The following UNC5B variants were observed in gnomAD, a reference collection of about 807,000 sequenced individuals.
The protein encoded by UNC5B is netrin receptor UNC5B.
In UNC5B, 56 loss-of-function variants were observed where a neutral mutation model predicts 103.7. The ratio of observed to expected loss-of-function variants is 0.54; its 90% CI spans 0.44 to 0.67. UNC5B has a LOEUF of 0.67. UNC5B is among the 30% of genes least tolerant of loss of function. UNC5B has a pLI of 0.00. For synonymous variants in UNC5B, 577 were observed against 542.0 expected (o/e 1.06, Z -0.90); for missense variants, 1,194 against 1,284.5 (o/e 0.93, Z 1.08).
chr10:71,259,098 G>A lies in UNC5B; in HGVS notation c.80-20723G>A, dbSNP rs1844356227. Among the ~76,000 whole-genome samples, 3 of 152,212 alleles carry A rather than the reference G, an allele frequency of 2.0e-5. No individual in the cohort carries two copies. In the South Asian group the frequency reaches 6.2e-4, roughly 32 times the overall value. On this transcript the variant is annotated intron_variant, in intron 1 of 16. Coordinates refer to ENST00000335350, the MANE Select transcript of UNC5B (RefSeq NM_170744.5). ...TGAAGTATGGCCATTCATTAGAAAA[G>A]TAATGACTGGGCCGGGTGCAGTGGC...
intron 1 of UNC5B, among the ~76,000 whole-genome samples, chr10:71,275,310 C>T (rs1844743508): frequency 6.6e-6 from 1 of 152,290 alleles, no homozygotes; most frequent in South Asian, 2.1e-4. Flanking sequence ...CCAGATCCGG[C>T]CTGGCTGAGG....
chr10:71,230,880 T>A (rs1035647493), intron 1 of UNC5B, among the ~76,000 whole-genome samples: 1 of 152,234 alleles, frequency 6.6e-6, no homozygotes, highest in Non-Finnish European at 1.5e-5. Context: ...GTACCATGGC[T>A]GGAACACACA....
chr10:71,292,195 C>T (rs1845283074), intron 10 of UNC5B, among the ~76,000 whole-genome samples: 1 of 152,174 alleles, frequency 6.6e-6, no homozygotes. Flanking sequence ...AGCTTCCCAG[C>T]ATCATATACT....
intron 1 of UNC5B, among the ~76,000 whole-genome samples, chr10:71,250,115 C>A (rs150413704): frequency 2.9e-4 from 44 of 152,352 alleles, no homozygotes; most frequent in South Asian, 1.0e-3. Context: ...CCATGGCAAA[C>A]CCCGCTGGGC....
rs58397569 is a variant in UNC5B, at chr10:71,227,631, T to C, written c.79+14567T>C. Among the ~76,000 whole-genome samples the C allele has an allele frequency of 7.2e-5, 10 of 138,314 alleles. No individual in the cohort carries two copies. The South Asian group carries it at 1.3e-3, about 18-fold the overall frequency. 90.7% of individuals were successfully genotyped at this position (138,314 alleles called of 152,430 possible). On this transcript the variant is annotated intron_variant, in intron 1 of 16. Coordinates refer to ENST00000335350, the MANE Select transcript of UNC5B (RefSeq NM_170744.5). Reference sequence around the variant, plus strand: ...ATATACATATATATACATATATACATATATATACACATATACATATATATA... The same window carrying C: ...ATATACATATATATACATATATACACATATATACACATATACATATATATA...
intron 1 of UNC5B, among the ~76,000 whole-genome samples, chr10:71,275,097 C>T (rs1844737698): frequency 1.3e-5 from 2 of 152,218 alleles, no homozygotes; most frequent in African/African-American, 2.4e-5. Context: ...CTGCCTCCAG[C>T]GATCTTTCGT....
At chr10:71,254,976 C>T (rs1047354131) in intron 1 of UNC5B, among the ~76,000 whole-genome samples, 1 of 152,224 alleles carries the variant, frequency 6.6e-6, no homozygotes, top group African/African-American at 2.4e-5. Flanking sequence ...ACAACTACTA[C>T]TTGCATATTC....
intron 1 of UNC5B, among the ~76,000 whole-genome samples, chr10:71,218,876 A>AG (rs1554859022): frequency 6.6e-6 from 1 of 152,214 alleles, no homozygotes; most frequent in Non-Finnish European, 1.5e-5. Context: ...GGAGAACCCC[A>AG]TCTCAGGCTG....
intron 1 of UNC5B, among the ~76,000 whole-genome samples, chr10:71,272,202 C>T (rs74147806): frequency 2.6e-5 from 4 of 152,216 alleles, no homozygotes; most frequent in South Asian, 4.1e-4. Flanking sequence ...GAGAATTAGC[C>T]GGTGTCCAGG....
chr10:71,232,603 G>A (rs1286431962), intron 1 of UNC5B, among the ~76,000 whole-genome samples: 2 of 152,262 alleles, frequency 1.3e-5, no homozygotes, highest in Non-Finnish European at 2.9e-5. Context: ...CGTGAGCTCC[G>A]CCAGTTGGCA....
chr10:71,240,080 C>G (rs558286193), intron 1 of UNC5B, among the ~76,000 whole-genome samples: 9 of 152,284 alleles, frequency 5.9e-5, no homozygotes, highest in Admixed American at 1.3e-4. Flanking sequence ...CCCCACCTAC[C>G]CCACCCACCC....
intron 1 of UNC5B, among the ~76,000 whole-genome samples, chr10:71,243,251 A>G (rs1470930015): frequency 6.6e-6 from 1 of 151,932 alleles, no homozygotes; most frequent in Non-Finnish European, 1.5e-5. Flanking sequence ...AAAATAAAAG[A>G]AAAAGAGTCT....
chr10:71,221,473 C>T (rs1843451703), intron 1 of UNC5B, among the ~76,000 whole-genome samples: 1 of 152,226 alleles, frequency 6.6e-6, no homozygotes, highest in Admixed American at 6.5e-5. Context: ...AATGAGGACT[C>T]CTGTCTCCAT....
At chr10:71,285,455 A>C in intron 4 of UNC5B, 26 bp downstream of exon 4, 2 of 1,550,404 alleles carry the variant, frequency 1.3e-6, no homozygotes, top group Non-Finnish European at 1.7e-6. Flanking sequence ...GGGACCACTG[A>C]GCACGGCCCT....
chr10:71,295,740 GCA>G, intron 13 of UNC5B, 69 bp from the exon 14 acceptor site: 1 of 1,558,470 alleles, frequency 6.4e-7, no homozygotes, highest in Non-Finnish European at 8.7e-7. Context: ...CCCCTGCCCC[GCA>G]CAGTGCCACA....
chr10:71,264,420 C>T (rs1041792694), intron 1 of UNC5B, among the ~76,000 whole-genome samples: 11 of 152,140 alleles, frequency 7.2e-5, no homozygotes, highest in African/African-American at 2.7e-4. Context: ...AAATGGAGGC[C>T]CAGAGAGGCG....
intron 1 of UNC5B, among the ~76,000 whole-genome samples, chr10:71,264,968 C>T (rs1369188399): frequency 1.6e-5 from 1 of 63,448 alleles, no homozygotes; most frequent in Admixed American, 2.1e-4. Context: ...ACCCCTGTCT[C>T]TATAAAAAAA....
intron 1 of UNC5B, among the ~76,000 whole-genome samples, chr10:71,268,256 C>G (rs1393972226): frequency 6.6e-6 from 1 of 152,268 alleles, no homozygotes; most frequent in Non-Finnish European, 1.5e-5. Flanking sequence ...CTCTGTTTAT[C>G]TCGCCCATTT....
At chr10:71,219,532 T>C (rs1007542429) in intron 1 of UNC5B, among the ~76,000 whole-genome samples, 16 of 152,204 alleles carry the variant, frequency 1.1e-4, no homozygotes, top group Admixed American at 2.6e-4. Flanking sequence ...GATTAGATTG[T>C]GCCCACCCAG....
Sources: gnomAD v4.1 joint callset for allele counts (sites outside exome capture counted in the v4.1 genomes callset) on GRCh38, gnomAD v4.1.1 for gene constraint, MANE v1.5 for transcripts, NCBI Gene and HGNC (gene_info 2026-07-23, HGNC 2026-07-21) for gene names.